Variants in GABRB1 observed in about 807,000 individuals in gnomAD.
The protein encoded by GABRB1 is gamma-aminobutyric acid receptor subunit beta-1.
In GABRB1, 17 loss-of-function variants were observed where a neutral mutation model predicts 51.6. The observed-to-expected ratio is 0.33, with a 90% CI of 0.23 to 0.49. The LOEUF is 0.49. Among genes scored for constraint, GABRB1 ranks in the 20% least tolerant of loss-of-function variants. GABRB1 has a pLI of 0.99. For missense variants in GABRB1, 410 were observed against 600.6 expected, an observed-to-expected ratio of 0.68 and a Z score of 3.32; for synonymous variants, 247 against 218.9, an observed-to-expected ratio of 1.13 and a Z score of -1.14.
chr4:47,403,231 T>C, intron 5 of GABRB1, 87 bp from the exon 6 acceptor site: 2 of 1,462,828 alleles, frequency 1.4e-6, no homozygotes, highest in Non-Finnish European at 1.9e-6. Context: ...ACCACTTTTG[T>C]GCTGGGAATT....
At chr4:47,132,624 C>A (rs1269931765) in intron 3 of GABRB1, among the ~76,000 whole-genome samples, 2 of 151,976 alleles carry the variant, frequency 1.3e-5, no homozygotes, top group African/African-American at 4.8e-5. Flanking sequence ...AAAAAAGGAC[C>A]AAGTGTGGAA....
intron 5 of GABRB1, among the ~76,000 whole-genome samples, chr4:47,360,419 T>C (rs16860161): frequency 0.027 from 4,039 of 152,092 alleles, 189 homozygotes; most frequent in African/African-American, 0.092. Flanking sequence ...CCTCTTTTCA[T>C]ATGTAGGGAA....
chr4:47,051,871 G>A (rs1053578390), intron 3 of GABRB1, among the ~76,000 whole-genome samples: 2 of 152,132 alleles, frequency 1.3e-5, no homozygotes, highest in African/African-American at 4.8e-5. Flanking sequence ...ACTCACGCCC[G>A]TAATCCCAGC....
intron 3 of GABRB1, among the ~76,000 whole-genome samples, chr4:47,116,639 T>C (rs1715491626): frequency 6.6e-6 from 1 of 152,170 alleles, no homozygotes; most frequent in Admixed American, 6.5e-5. Context: ...TCCTTGGGAT[T>C]TCTGATTAGA....
At chr4:47,008,853 C>CTTTTTTTTTTTTTTTTTTT (rs1491180948) in intron 1 of GABRB1, among the ~76,000 whole-genome samples, 3 of 80,064 alleles carry the variant, frequency 3.7e-5, no homozygotes, top group African/African-American at 1.1e-4. Context: ...CAGATACTAC[C>CTTTTTTTTTTTTTTTTTTT]TTTTTTTTTT....
At chr4:47,026,682 C>T (rs1383617249), upstream of GABRB1, among the ~76,000 whole-genome samples, 1 of 152,002 alleles carries the variant, frequency 6.6e-6, no homozygotes, top group Non-Finnish European at 1.5e-5. Flanking sequence ...ACTTGGATAG[C>T]ATGGTCTTCT....
intron 5 of GABRB1, among the ~76,000 whole-genome samples, chr4:47,399,012 A>C (rs917110114): frequency 3.3e-5 from 5 of 152,092 alleles, no homozygotes; most frequent in African/African-American, 4.8e-5. Context: ...GGATGGTCTC[A>C]ATCTCCTGAC....
At chr4:47,380,780 C>T (rs893129234) in intron 5 of GABRB1, among the ~76,000 whole-genome samples, 2 of 152,118 alleles carry the variant, frequency 1.3e-5, no homozygotes, top group African/African-American at 4.8e-5. Flanking sequence ...GGGAATGAGG[C>T]ACTGGACTTC....
At chr4:47,356,628 A>G (rs1258622541) in intron 5 of GABRB1, among the ~76,000 whole-genome samples, 1 of 152,182 alleles carries the variant, frequency 6.6e-6, no homozygotes, top group Admixed American at 6.5e-5. Flanking sequence ...TGGAGATGCT[A>G]GTTTGACATG....
At chr4:47,377,763 G>A (rs1323006359) in intron 5 of GABRB1, among the ~76,000 whole-genome samples, 1 of 152,090 alleles carries the variant, frequency 6.6e-6, no homozygotes, top group Non-Finnish European at 1.5e-5. Flanking sequence ...TAGATACAGA[G>A]TGTCTACACA....
chr4:47,155,103 C>G (rs2109725747), intron 3 of GABRB1, among the ~76,000 whole-genome samples: 1 of 152,136 alleles, frequency 6.6e-6, no homozygotes, highest in East Asian at 1.9e-4. Flanking sequence ...TACTCCTATT[C>G]CAAAGATGGG....
chr4:47,095,895 A>G (rs560890363), intron 3 of GABRB1, among the ~76,000 whole-genome samples: 1 of 152,364 alleles, frequency 6.6e-6, no homozygotes, highest in South Asian at 2.1e-4. Context: ...GGCATTAAAA[A>G]CATCCAATAG....
chr4:47,109,466 T>C (rs978057200), intron 3 of GABRB1, among the ~76,000 whole-genome samples: 15 of 152,078 alleles, frequency 9.9e-5, no homozygotes, highest in African/African-American at 3.6e-4. Context: ...TGCCTAAACT[T>C]CATGCAGAAT....
At chr4:47,210,244 C>T (rs943295308) in intron 4 of GABRB1, among the ~76,000 whole-genome samples, 9 of 152,114 alleles carry the variant, frequency 5.9e-5, no homozygotes, top group African/African-American at 1.9e-4. Flanking sequence ...TTGACCCACT[C>T]AATTCCAATA....
chr4:47,170,377 C>A (rs1442353799), intron 4 of GABRB1, among the ~76,000 whole-genome samples: 2 of 87,138 alleles, frequency 2.3e-5, no homozygotes, highest in East Asian at 6.5e-4. Context: ...AATACAGATC[C>A]ACTACACACA....
At chr4:47,157,402 CTT>C (rs1192996564) in intron 3 of GABRB1, among the ~76,000 whole-genome samples, 1 of 152,064 alleles carries the variant, frequency 6.6e-6, no homozygotes, top group East Asian at 1.9e-4. Flanking sequence ...TAGAGGCTTT[CTT>C]TTCTACCTAA....
chr4:47,299,756 C>G (rs1396442143), intron 4 of GABRB1, among the ~76,000 whole-genome samples: 1 of 152,060 alleles, frequency 6.6e-6, no homozygotes, highest in Non-Finnish European at 1.5e-5. Flanking sequence ...ACCCAAAGGA[C>G]TATAAATCAT....
chr4:47,076,862 C>T (rs1183002427), intron 3 of GABRB1, among the ~76,000 whole-genome samples: 1 of 152,114 alleles, frequency 6.6e-6, no homozygotes, highest in Non-Finnish European at 1.5e-5. Flanking sequence ...CACGAGGGGC[C>T]CCATTTTAGG....
At chr4:47,001,506 A>G (rs1724217231) in intron 1 of GABRB1, among the ~76,000 whole-genome samples, 1 of 152,206 alleles carries the variant, frequency 6.6e-6, no homozygotes, top group African/African-American at 2.4e-5. Context: ...TAATCAATAG[A>G]CTTTGAGTAA....
Sources: gnomAD v4.1 joint callset for allele counts (sites outside exome capture counted in the v4.1 genomes callset) on GRCh38, gnomAD v4.1.1 for gene constraint, MANE v1.5 for transcripts, NCBI Gene and HGNC (gene_info 2026-07-23, HGNC 2026-07-21) for gene names.